TMEM132D: variants seen among roughly 807,000 people sequenced by gnomAD.
TMEM132D encodes transmembrane protein 132D.
Under a neutral mutation model 62.3 loss-of-function variants are expected in TMEM132D, and 21 were observed. That is an observed-to-expected ratio of 0.34 (90% confidence interval 0.24 to 0.49). The LOEUF is 0.49. Among genes scored for constraint, TMEM132D ranks in the 20% least tolerant of loss-of-function variants. TMEM132D has a pLI of 0.99. For synonymous variants in TMEM132D, 621 were observed against 575.6 expected (o/e 1.08, Z -1.13); for missense variants, 1,346 against 1,402.8 (o/e 0.96, Z 0.65).
At chr12:129,557,523 T>C (rs1403579759) in intron 2 of TMEM132D, among the ~76,000 whole-genome samples, 1 of 152,056 alleles carries the variant, frequency 6.6e-6, no homozygotes, top group Non-Finnish European at 1.5e-5. Context: ...AAGACTAGCC[T>C]GGGCAACACA....
chr12:129,351,969 A>T (rs1051874756), intron 3 of TMEM132D, among the ~76,000 whole-genome samples: 1 of 152,146 alleles, frequency 6.6e-6, no homozygotes, highest in Admixed American at 6.5e-5. Context: ...GAAGTTACAG[A>T]AGATGGATCC....
intron 2 of TMEM132D, among the ~76,000 whole-genome samples, chr12:129,606,694 T>A (rs1225048050): frequency 6.6e-6 from 1 of 152,030 alleles, no homozygotes; most frequent in African/African-American, 2.4e-5. Context: ...AAAAAGACAC[T>A]AAGTTACTTG....
At chr12:129,368,532 G>T (rs1168078759) in intron 3 of TMEM132D, among the ~76,000 whole-genome samples, 1 of 152,000 alleles carries the variant, frequency 6.6e-6, no homozygotes, top group East Asian at 1.9e-4. Flanking sequence ...CTCCCTCCCT[G>T]CCTTCCCTTC....
intron 2 of TMEM132D, among the ~76,000 whole-genome samples, chr12:129,667,005 T>TAA (rs34396765): frequency 2.6e-4 from 39 of 152,038 alleles, no homozygotes; most frequent in Non-Finnish European, 4.9e-4. Context: ...GTTAATCTTA[T>TAA]AAAAAAATTC....
intron 3 of TMEM132D, among the ~76,000 whole-genome samples, chr12:129,490,749 G>A (rs887941339): frequency 3.3e-5 from 5 of 151,332 alleles, no homozygotes; most frequent in Admixed American, 1.3e-4. Context: ...CACGGCGCCC[G>A]GCCCATAATT....
At chr12:129,755,383 G>A (rs1368494884) in intron 1 of TMEM132D, among the ~76,000 whole-genome samples, 2 of 151,992 alleles carry the variant, frequency 1.3e-5, no homozygotes, top group African/African-American at 2.4e-5. Flanking sequence ...TTACACTTTC[G>A]AGTAGTATGC....
chr12:129,834,689 G>A (rs1489276218), intron 1 of TMEM132D, among the ~76,000 whole-genome samples: 1 of 152,146 alleles, frequency 6.6e-6, no homozygotes, highest in African/African-American at 2.4e-5. Flanking sequence ...TCAGGCGGCA[G>A]GGCTCACAGT....
chr12:129,079,833 G>T (rs1874396342), intron 7 of TMEM132D, among the ~76,000 whole-genome samples: 1 of 152,120 alleles, frequency 6.6e-6, no homozygotes, highest in Non-Finnish European at 1.5e-5. Flanking sequence ...GACACAGTGA[G>T]AAAAAAGAGA....
At chr12:129,587,541 A>C (rs2137131823) in intron 2 of TMEM132D, among the ~76,000 whole-genome samples, 1 of 152,222 alleles carries the variant, frequency 6.6e-6, no homozygotes, top group African/African-American at 2.4e-5. Context: ...TGAACTTAAA[A>C]GTTAAAAAAA....
intron 2 of TMEM132D, among the ~76,000 whole-genome samples, chr12:129,676,035 T>C (rs1209074540): frequency 6.6e-6 from 1 of 152,220 alleles, no homozygotes; most frequent in African/African-American, 2.4e-5. Context: ...AGACACTTAG[T>C]GTGTGCTATG....
At chr12:129,309,410 T>A (rs1004469753) in intron 4 of TMEM132D, among the ~76,000 whole-genome samples, 1 of 152,232 alleles carries the variant, frequency 6.6e-6, no homozygotes. Context: ...CTTTTGTCTC[T>A]ACAGTCCCCT....
chr12:129,214,934 T>G (rs893815526), intron 4 of TMEM132D, among the ~76,000 whole-genome samples: 2 of 152,138 alleles, frequency 1.3e-5, no homozygotes, highest in Non-Finnish European at 2.9e-5. Flanking sequence ...CAGAAATACA[T>G]TTGACCCAGC....
intron 3 of TMEM132D, among the ~76,000 whole-genome samples, chr12:129,458,894 G>C (rs1304273177): frequency 1.3e-5 from 2 of 152,176 alleles, no homozygotes; most frequent in Non-Finnish European, 2.9e-5. Flanking sequence ...TTGGATGTCA[G>C]AGCTGGAAGG....
At chr12:129,873,460 C>T (rs1197052087) in intron 1 of TMEM132D, among the ~76,000 whole-genome samples, 2 of 152,134 alleles carry the variant, frequency 1.3e-5, no homozygotes, top group Non-Finnish European at 2.9e-5. Flanking sequence ...TAAAAACAAA[C>T]AATAGGAATT....
intron 2 of TMEM132D, among the ~76,000 whole-genome samples, chr12:129,668,229 ACATT>A (rs1880422973): frequency 6.8e-6 from 1 of 147,524 alleles, no homozygotes; most frequent in African/African-American, 2.5e-5. Flanking sequence ...AATTTAGTGT[ACATT>A]ATTAGTGTAC....
intron 3 of TMEM132D, among the ~76,000 whole-genome samples, chr12:129,438,819 T>G (rs1006077525): frequency 6.6e-6 from 1 of 152,164 alleles, no homozygotes; most frequent in Non-Finnish European, 1.5e-5. Context: ...CACCATTCAA[T>G]TAAGTGTCGA....
chr12:129,115,048 A>G (rs1163360072), intron 5 of TMEM132D, among the ~76,000 whole-genome samples: 2 of 152,178 alleles, frequency 1.3e-5, no homozygotes, highest in African/African-American at 2.4e-5. Context: ...CTAGGCGTGG[A>G]AAGGGTCACA....
At chr12:129,456,545 C>T (rs765400982) in intron 3 of TMEM132D, among the ~76,000 whole-genome samples, 2 of 152,116 alleles carry the variant, frequency 1.3e-5, no homozygotes, top group African/African-American at 2.4e-5. Flanking sequence ...CCATGTGGCT[C>T]TCATGATGCA....
intron 1 of TMEM132D, among the ~76,000 whole-genome samples, chr12:129,725,493 T>C (rs995844386): frequency 6.6e-6 from 1 of 152,254 alleles, no homozygotes; most frequent in Non-Finnish European, 1.5e-5. Context: ...TCTCATGCCA[T>C]GATAAGCTCT....
Sources: gnomAD v4.1 joint callset for allele counts (sites outside exome capture counted in the v4.1 genomes callset) on GRCh38, gnomAD v4.1.1 for gene constraint, MANE v1.5 for transcripts, NCBI Gene and HGNC (gene_info 2026-07-23, HGNC 2026-07-21) for gene names.